Variants in MIS18BP1 observed in about 807,000 individuals in gnomAD.
The protein encoded by MIS18BP1 is MIS18 binding protein 1.
Under a neutral mutation model 116.1 loss-of-function variants are expected in MIS18BP1, and 72 were observed. The observed-to-expected ratio is 0.62, with a 90% CI of 0.51 to 0.75. MIS18BP1 has a LOEUF of 0.75. MIS18BP1 is among the 30% of genes least tolerant of loss of function. The pLI, the probability that MIS18BP1 is intolerant of heterozygous loss-of-function variation, is 0.00. For synonymous variants in MIS18BP1, 386 were observed against 427.0 expected (o/e 0.90, Z 1.18); for missense variants, 1,363 against 1,303.2 (o/e 1.05, Z -0.71).
In MIS18BP1 at chr14:45,204,042, C is replaced by T; in HGVS notation, c.*67G>A. The T allele has an allele frequency of 6.4e-7, 1 of 1,551,396 alleles. No homozygotes were observed. ...ACTTTACAAAGAAAATACATGTACT[C>T]CAGTTGAAAATACAAACACTGTCTG... On this transcript the variant is annotated 3_prime_UTR_variant, in exon 17 of 17. Coordinates refer to ENST00000310806, the MANE Select transcript of MIS18BP1 (RefSeq NM_018353.5).
chr14:45,234,282 C>T (rs957890555), intron 6 of MIS18BP1, among the ~76,000 whole-genome samples: 2 of 148,076 alleles, frequency 1.4e-5, no homozygotes, highest in African/African-American at 5.0e-5. Context: ...TGTAAACAAA[C>T]TATATGAATT....
At chr14:45,241,980 C>T in intron 4 of MIS18BP1, 54 bp downstream of exon 4, 1 of 1,517,872 alleles carries the variant, frequency 6.6e-7, no homozygotes, top group African/African-American at 1.4e-5. Flanking sequence ...AGCTCAAGCT[C>T]TTGAAGAACG....
Position 45,226,745 on chromosome 14 carries a change from T to C in MIS18BP1, c.1838A>G (p.Gln613Arg), listed in dbSNP as rs1409165837. 1.4e-6 allele frequency: 2 copies of C among 1,389,642 alleles called. No individual in the cohort carries two copies. The highest frequency in any genetic ancestry group is 3.0e-5 in the African/African-American group (2 of 67,348). The allele number at this position is 1,389,642 out of a possible 1,614,324, so 86.1% of individuals were successfully genotyped here. Residue 613 changes from glutamine to arginine, a missense_variant and splice_region_variant, in exon 10 of 17, where the codon CAA becomes CGA. By Grantham distance (43) the Gln-to-Arg change is conservative (BLOSUM62 1). Transcript: ENST00000310806. The part of the protein sequence containing the change: ...TNERIIKSQK[Q>R]ETTEELDVSI... ...AAAAACCATTAAAGATATATTACCTTGCTTCTGACTTTTTATTATCCTTTC... is the reference window on the plus strand; with the variant it reads ...AAAAACCATTAAAGATATATTACCTCGCTTCTGACTTTTTATTATCCTTTC...
At chr14:45,215,047 G>A (rs573699116) in intron 13 of MIS18BP1, among the ~76,000 whole-genome samples, 36 of 152,258 alleles carry the variant, frequency 2.4e-4, no homozygotes, top group East Asian at 1.2e-3. Context: ...CACCATGCCC[G>A]GCAGTTCTGT....
intron 6 of MIS18BP1, among the ~76,000 whole-genome samples, chr14:45,235,207 C>CAAAAA (rs201225566): frequency 2.1e-5 from 2 of 95,726 alleles, no homozygotes; most frequent in African/African-American, 3.6e-5. Flanking sequence ...ACTCCATCTC[C>CAAAAA]AAAAAAAAAA....
chr14:45,242,723 T>G, intron 3 of MIS18BP1, 38 bp downstream of exon 3: 1 of 1,546,972 alleles, frequency 6.5e-7, no homozygotes. Flanking sequence ...AACAATATAC[T>G]TAAGTAACAA....
intron 15 of MIS18BP1, among the ~76,000 whole-genome samples, chr14:45,205,777 T>G (rs1170464241): frequency 6.6e-6 from 1 of 152,186 alleles, no homozygotes; most frequent in Non-Finnish European, 1.5e-5. Context: ...TGTTTTTGTG[T>G]TTTGTGTTTT....
At chr14:45,214,153 TGAG>T (rs1180065463) in intron 13 of MIS18BP1, among the ~76,000 whole-genome samples, 1 of 152,168 alleles carries the variant, frequency 6.6e-6, no homozygotes, top group Non-Finnish European at 1.5e-5. Context: ...GGGTCTGTTT[TGAG>T]GAGAATTAGT....
intron 6 of MIS18BP1, among the ~76,000 whole-genome samples, chr14:45,235,146 G>A (rs1891387558): frequency 6.6e-6 from 1 of 150,754 alleles, no homozygotes; most frequent in Admixed American, 6.6e-5. Flanking sequence ...GGTGGAGGTT[G>A]CAGTGAGCTG....
intron 13 of MIS18BP1, among the ~76,000 whole-genome samples, chr14:45,211,949 A>G (rs1393705280): frequency 2.0e-5 from 3 of 152,336 alleles, no homozygotes; most frequent in Non-Finnish European, 4.4e-5. Flanking sequence ...GAACCAGGTG[A>G]GCTGCTGATG....
intron 12 of MIS18BP1, 24 bp from the exon 13 acceptor site, chr14:45,217,203 G>T: frequency 1.2e-6 from 2 of 1,609,292 alleles, no homozygotes; most frequent in Non-Finnish European, 1.7e-6. Flanking sequence ...AAACCATTTT[G>T]ATAAGGATTT....
chr14:45,238,754 G>C (rs1180518309), intron 4 of MIS18BP1, among the ~76,000 whole-genome samples: 1 of 152,098 alleles, frequency 6.6e-6, no homozygotes, highest in Non-Finnish European at 1.5e-5. Context: ...GAGCTTGGGA[G>C]GTCGAGGCTT....
chr14:45,216,401 T>A (rs747184521), intron 13 of MIS18BP1, among the ~76,000 whole-genome samples: 7 of 152,208 alleles, frequency 4.6e-5, no homozygotes, highest in Non-Finnish European at 8.8e-5. Flanking sequence ...ATAAATATAA[T>A]TTACTTTACT....
At chr14:45,225,009 T>C (rs911635861) in intron 10 of MIS18BP1, among the ~76,000 whole-genome samples, 2 of 152,178 alleles carry the variant, frequency 1.3e-5, no homozygotes, top group African/African-American at 4.8e-5. Context: ...TAAGCTCCTC[T>C]GCCTGGCCTT....
chr14:45,205,053 A>G (rs1890476175), intron 15 of MIS18BP1, among the ~76,000 whole-genome samples: 1 of 152,146 alleles, frequency 6.6e-6, no homozygotes, highest in African/African-American at 2.4e-5. Flanking sequence ...TTATCAAACT[A>G]TTGGCCATGG....
chr14:45,235,481 T>A (rs1388046792), intron 6 of MIS18BP1, among the ~76,000 whole-genome samples: 1 of 149,810 alleles, frequency 6.7e-6, no homozygotes, highest in Non-Finnish European at 1.5e-5. Flanking sequence ...TCCCGGCTAC[T>A]CAGGAGGCTG....
At chr14:45,214,855 GATTATCT>G (rs1203725713) in intron 13 of MIS18BP1, among the ~76,000 whole-genome samples, 1 of 152,138 alleles carries the variant, frequency 6.6e-6, no homozygotes, top group Admixed American at 6.5e-5. Context: ...GGGTTCAAGC[GATTATCT>G]CACCTCAGCA....
In MIS18BP1 at chr14:45,210,516, G is replaced by A. The variant is rs200768450; in HGVS notation, c.3016C>T (p.Gln1006Ter). 112 of 1,613,496 alleles carry A rather than the reference G, an allele frequency of 6.9e-5. No homozygotes were observed. The highest frequency in any genetic ancestry group is 9.1e-5 in the Non-Finnish European group (107 of 1,179,840). ...ATATCATCATCATCTTCACTGTCCT[G>A]GAAACTTGGCAACTAGAAAACAAGT... Reference protein sequence around the residue: ...QHQRILLPSFQDSEDDDDILP... With the variant: ...QHQRILLPSF Residue 1006 changes from glutamine to a stop codon, truncating the protein, a stop_gained, in exon 14 of 17, where the codon CAG becomes TAG. Transcript: ENST00000310806. LOFTEE classifies it high-confidence loss of function.
At chr14:45,223,508 C>G (rs1891030822) in intron 11 of MIS18BP1, among the ~76,000 whole-genome samples, 1 of 152,172 alleles carries the variant, frequency 6.6e-6, no homozygotes. Context: ...ACCCGGGAGG[C>G]AGAGGTTGCA....
Sources: gnomAD v4.1 joint callset for allele counts (sites outside exome capture counted in the v4.1 genomes callset) on GRCh38, gnomAD v4.1.1 for gene constraint, MANE v1.5 for transcripts, NCBI Gene and HGNC (gene_info 2026-07-23, HGNC 2026-07-21) for gene names.